TMEM131L: variants seen among roughly 807,000 people sequenced by gnomAD.
TMEM131L encodes the protein transmembrane 131 like.
A neutral mutation model predicts 192.2 loss-of-function variants in TMEM131L; 54 were observed. That is an observed-to-expected ratio of 0.28 (90% CI 0.23 to 0.35). The LOEUF (loss-of-function observed/expected upper bound fraction) is 0.35, where lower values mean the gene tolerates loss of function less well. TMEM131L is among the 10% of genes least tolerant of loss of function. The pLI is 1.00. For missense variants in TMEM131L, 1,888 were observed against 1,972.9 expected (o/e 0.96, Z 0.82); for synonymous variants, 701 against 704.9 (o/e 0.99, Z 0.09).
At chr4:153,602,499 C>A (rs1284465053) in intron 22 of TMEM131L, 43 bp from the exon 23 acceptor site, 1 of 1,597,504 alleles carries the variant, frequency 6.3e-7, no homozygotes, top group South Asian at 1.1e-5. Flanking sequence ...TGGCTAAAAT[C>A]AAAACAATTA....
intron 33 of TMEM131L, among the ~76,000 whole-genome samples, chr4:153,635,120 A>G (rs80215929): frequency 0.012 from 1,882 of 152,326 alleles, 36 homozygotes; most frequent in African/African-American, 0.044. Context: ...AAGAACCTTG[A>G]CACTATTTAG....
intron 29 of TMEM131L, among the ~76,000 whole-genome samples, chr4:153,624,996 G>A (rs973522341): frequency 6.6e-6 from 1 of 152,176 alleles, no homozygotes; most frequent in Non-Finnish European, 1.5e-5. Context: ...GTCTCGCTCA[G>A]CCTTTTTAGA....
In TMEM131L at chr4:153,581,418, G is replaced by T; in HGVS notation, c.750G>T (p.Leu250=). 1 of 1,557,852 alleles carries T rather than the reference G, an allele frequency of 6.4e-7. No homozygotes were observed. Among genetic ancestry groups the T allele is most frequent in the African/African-American group, 1.4e-5 (1 of 72,448 alleles). ...CCTTCCAACCATAGGGTTGTTATCTGGAATCTGATGATGTTTTGCGTCTAC... is the reference window on the plus strand; with the variant it reads ...CCTTCCAACCATAGGGTTGTTATCTTGAATCTGATGATGTTTTGCGTCTAC... ...KVCQQLKGCY[L]ESDDVLRLQM... is the part of the protein sequence containing the mutation. The change falls in exon 9 of 35, where the codon CTG becomes CTT. Residue 250 remains leucine, a synonymous_variant. Coordinates refer to ENST00000409959, the MANE Select transcript of TMEM131L (RefSeq NM_001131007.2).
At chr4:153,584,545 C>G (rs1039774770) in intron 11 of TMEM131L, among the ~76,000 whole-genome samples, 1 of 152,158 alleles carries the variant, frequency 6.6e-6, no homozygotes, top group African/African-American at 2.4e-5. Context: ...GGTTTTATTC[C>G]TTTCTTGCTC....
At chr4:153,521,137 G>T (rs960398687) in intron 3 of TMEM131L, among the ~76,000 whole-genome samples, 1 of 152,298 alleles carries the variant, frequency 6.6e-6, no homozygotes. Context: ...CCTTGTTTCT[G>T]CATGTGTAGA....
intron 19 of TMEM131L, among the ~76,000 whole-genome samples, chr4:153,595,725 A>C (rs1051589107): frequency 9.7e-5 from 8 of 82,546 alleles, no homozygotes; most frequent in East Asian, 3.3e-4. Context: ...AAAAAAAAAA[A>C]AAAACACGAC....
chr4:153,630,711 A>C (rs1274058607), intron 31 of TMEM131L, among the ~76,000 whole-genome samples: 2 of 152,228 alleles, frequency 1.3e-5, no homozygotes, highest in Middle Eastern at 3.2e-3. Flanking sequence ...TGCGTGAACC[A>C]GTTATCCTTC....
intron 3 of TMEM131L, among the ~76,000 whole-genome samples, chr4:153,535,939 T>A (rs1353658199): frequency 6.6e-6 from 1 of 152,224 alleles, no homozygotes; most frequent in African/African-American, 2.4e-5. Context: ...CATGTTGCTG[T>A]TTACAATCTT....
At chr4:153,632,569 T>A in intron 31 of TMEM131L, 149 bp from the exon 32 acceptor site, 1 of 801,442 alleles carries the variant, frequency 1.2e-6, no homozygotes, top group Non-Finnish European at 2.0e-6. Flanking sequence ...ATTTCAGAAT[T>A]ATATCCTGAA....
intron 25 of TMEM131L, among the ~76,000 whole-genome samples, chr4:153,608,438 T>G (rs954088687): frequency 3.9e-5 from 6 of 152,216 alleles, no homozygotes; most frequent in African/African-American, 1.4e-4. Context: ...TTTGTAACCA[T>G]TTTCACTGTC....
intron 7 of TMEM131L, among the ~76,000 whole-genome samples, chr4:153,560,822 T>C (rs1728797706): frequency 6.6e-6 from 1 of 152,250 alleles, no homozygotes; most frequent in Non-Finnish European, 1.5e-5. Flanking sequence ...TTGTTTCTAC[T>C]CTGGCTATTA....
intron 27 of TMEM131L, among the ~76,000 whole-genome samples, chr4:153,621,244 C>T (rs1733379755): frequency 6.6e-6 from 1 of 152,170 alleles, no homozygotes; most frequent in African/African-American, 2.4e-5. Context: ...CACAGGCAGG[C>T]CTCTGCTGTT....
rs1730344821 is a variant in TMEM131L at position 153,581,563 on chromosome 4, A to T, written c.892+3A>T. 2.0e-6 allele frequency: 3 copies of T among 1,531,260 alleles called. No individual in the cohort carries two copies. The highest frequency in any genetic ancestry group is 2.8e-5 in the African/African-American group (2 of 71,650). 94.9% of individuals were successfully genotyped at this position (1,531,260 alleles called of 1,614,324 possible). ...TACAGATGAATCTGAGACCTCAGGTAAGGTGGAATGTTTAAAAATTTTATT... is the reference window on the plus strand; with the variant it reads ...TACAGATGAATCTGAGACCTCAGGTTAGGTGGAATGTTTAAAAATTTTATT... On this transcript the variant is annotated splice_donor_region_variant and intron_variant, in intron 9 of 34. Transcript: ENST00000409959.
intron 3 of TMEM131L, 130 bp downstream of exon 3, chr4:153,474,018 A>G (rs1231893727): frequency 1.2e-5 from 7 of 561,616 alleles, no homozygotes; most frequent in Non-Finnish European, 2.2e-5. Flanking sequence ...TCTCTTTGGC[A>G]TTTGTCGTAT....
intron 3 of TMEM131L, among the ~76,000 whole-genome samples, chr4:153,503,890 A>C (rs528330982): frequency 6.6e-6 from 1 of 152,344 alleles, no homozygotes; most frequent in South Asian, 2.1e-4. Context: ...AGAAAACCTC[A>C]CTTCTCTGAT....
intron 26 of TMEM131L, among the ~76,000 whole-genome samples, chr4:153,616,595 A>G (rs1484817931): frequency 3.3e-5 from 5 of 152,218 alleles, no homozygotes; most frequent in Admixed American, 3.3e-4. Flanking sequence ...TTTTAAGCAG[A>G]CTTTTTTCCC....
At chr4:153,619,089 T>G (rs573630709) in intron 26 of TMEM131L, among the ~76,000 whole-genome samples, 2 of 152,332 alleles carry the variant, frequency 1.3e-5, no homozygotes, top group East Asian at 3.9e-4. Flanking sequence ...CTGAATGTAC[T>G]CACCCTTTCG....
intron 13 of TMEM131L, 42 bp downstream of exon 13, chr4:153,585,653 G>A (rs1028449296): frequency 7.3e-6 from 11 of 1,500,242 alleles, no homozygotes; most frequent in Non-Finnish European, 9.9e-6. Context: ...CTTATTTTAA[G>A]CTTTGTTTAA....
chr4:153,592,723 G>T, intron 18 of TMEM131L, 139 bp downstream of exon 18: 1 of 645,178 alleles, frequency 1.5e-6, no homozygotes, highest in Non-Finnish European at 2.8e-6. Context: ...ATGGACCTTG[G>T]GCATCCTGCC....
Sources: gnomAD v4.1 joint callset for allele counts (sites outside exome capture counted in the v4.1 genomes callset) on GRCh38, gnomAD v4.1.1 for gene constraint, MANE v1.5 for transcripts, NCBI Gene and HGNC (gene_info 2026-07-23, HGNC 2026-07-21) for gene names.